The following CACNA2D3 variants were observed in gnomAD, a reference collection of about 807,000 sequenced individuals.
The protein encoded by CACNA2D3 is calcium voltage-gated channel auxiliary subunit alpha2delta 3.
CACNA2D3 carries 60 observed loss-of-function variants against 160.6 expected under a neutral mutation model. The ratio of observed to expected loss-of-function variants is 0.37; its 90% CI spans 0.30 to 0.46. The LOEUF (loss-of-function observed/expected upper bound fraction) is 0.46, where lower values mean the gene tolerates loss of function less well. Among genes scored for constraint, CACNA2D3 ranks in the 20% least tolerant of loss-of-function variants. The pLI is 1.00. For synonymous variants in CACNA2D3, 558 were observed against 492.9 expected, an observed-to-expected ratio of 1.13 and a Z score of -1.75; for missense variants, 1,205 against 1,365.0, an observed-to-expected ratio of 0.88 and a Z score of 1.85.
intron 11 of CACNA2D3, among the ~76,000 whole-genome samples, chr3:54,744,704 A>G (rs747895313): frequency 1.3e-5 from 2 of 152,234 alleles, no homozygotes; most frequent in East Asian, 1.9e-4. Flanking sequence ...GGAAGTATCT[A>G]TGGATGGAAG....
At chr3:54,567,572 G>C (rs936231611) in intron 6 of CACNA2D3, among the ~76,000 whole-genome samples, 1 of 152,150 alleles carries the variant, frequency 6.6e-6, no homozygotes, top group African/African-American at 2.4e-5. Flanking sequence ...GTCTTACTCT[G>C]TCTCCCAGGC....
intron 2 of CACNA2D3, among the ~76,000 whole-genome samples, chr3:54,243,714 G>T (rs1178993274): frequency 6.6e-6 from 1 of 152,116 alleles, no homozygotes; most frequent in Non-Finnish European, 1.5e-5. Context: ...CCAATTATCT[G>T]GCTCCAGGCT....
At chr3:54,165,114 AT>A (rs397961895) in intron 2 of CACNA2D3, among the ~76,000 whole-genome samples, 30 of 117,856 alleles carry the variant, frequency 2.5e-4, no homozygotes, top group East Asian at 5.2e-4. Context: ...TCTGAATCTC[AT>A]TTTTTTTTTT....
intron 9 of CACNA2D3, among the ~76,000 whole-genome samples, chr3:54,599,515 C>T (rs956984155): frequency 2.0e-5 from 3 of 152,122 alleles, no homozygotes; most frequent in African/African-American, 7.2e-5. Context: ...ATTGTGAATT[C>T]CATTAACAGG....
intron 2 of CACNA2D3, among the ~76,000 whole-genome samples, chr3:54,308,734 G>A (rs1466306567): frequency 6.6e-6 from 1 of 152,084 alleles, no homozygotes; most frequent in Non-Finnish European, 1.5e-5. Context: ...ATAAAATGGG[G>A]GAAATAGTAT....
intron 2 of CACNA2D3, among the ~76,000 whole-genome samples, chr3:54,275,237 C>T (rs899743503): frequency 3.3e-5 from 5 of 152,176 alleles, no homozygotes; most frequent in East Asian, 1.9e-4. Flanking sequence ...GCCTCTGCCC[C>T]GGCCCACCTC....
intron 11 of CACNA2D3, among the ~76,000 whole-genome samples, chr3:54,728,963 A>T (rs1405547602): frequency 6.6e-6 from 1 of 152,160 alleles, no homozygotes; most frequent in African/African-American, 2.4e-5. Context: ...GTCATTATCA[A>T]ATACATTAGG....
At chr3:54,157,891 G>A (rs1465476898) in intron 2 of CACNA2D3, among the ~76,000 whole-genome samples, 1 of 151,360 alleles carries the variant, frequency 6.6e-6, no homozygotes. Context: ...AAGATTCTTA[G>A]TGAGCAGCTT....
chr3:54,641,210 C>A (rs1699512091), intron 10 of CACNA2D3, among the ~76,000 whole-genome samples: 1 of 152,200 alleles, frequency 6.6e-6, no homozygotes, highest in Admixed American at 6.6e-5. Context: ...ACTGAAGTTA[C>A]AGGCAAAGAC....
chr3:54,544,043 CCTT>C (rs1234614625), intron 5 of CACNA2D3, among the ~76,000 whole-genome samples: 6 of 152,018 alleles, frequency 3.9e-5, no homozygotes, highest in African/African-American at 1.4e-4. Flanking sequence ...TTTTCTTTGT[CCTT>C]CTTTTCTTTA....
chr3:54,413,331 C>T (rs1699699407), intron 4 of CACNA2D3, among the ~76,000 whole-genome samples: 1 of 149,762 alleles, frequency 6.7e-6, no homozygotes, highest in Admixed American at 6.7e-5. Context: ...CAAGAGTTTT[C>T]TCATTATGTT....
At chr3:54,821,063 A>G (rs186585513) in intron 14 of CACNA2D3, among the ~76,000 whole-genome samples, 3 of 152,086 alleles carry the variant, frequency 2.0e-5, no homozygotes, top group Non-Finnish European at 4.4e-5. Flanking sequence ...ACGTGTCCAG[A>G]CTCTGGTACC....
rs1443134239 is a variant in CACNA2D3, at chr3:54,239,698, ATAT to A, written c.205-80740_205-80738del. 2.1e-4 allele frequency among the ~76,000 whole-genome samples: 32 copies of A among 152,236 alleles called. 1 individual carries two copies. Among genetic ancestry groups the A allele is most frequent in the Admixed American group, 2.1e-3 (32 of 15,288 alleles). On this transcript the variant is annotated intron_variant, in intron 2 of 37. Transcript: ENST00000474759. ...CAGACAATCTGAGTTTGGCTCAAAAATATTATACTAGCATAGGAGATAATAACA... is the reference window on the plus strand; with the variant it reads ...CAGACAATCTGAGTTTGGCTCAAAAATATACTAGCATAGGAGATAATAACA...
intron 4 of CACNA2D3, among the ~76,000 whole-genome samples, chr3:54,493,563 C>A (rs975893624): frequency 1.3e-5 from 2 of 152,168 alleles, no homozygotes; most frequent in African/African-American, 4.8e-5. Context: ...CTATTCCCTT[C>A]CCTAGTTACC....
At chr3:55,028,216 C>G (rs1703607172) in intron 35 of CACNA2D3, among the ~76,000 whole-genome samples, 1 of 152,100 alleles carries the variant, frequency 6.6e-6, no homozygotes, top group Non-Finnish European at 1.5e-5. Context: ...CAAAAGTGGA[C>G]ATTTGTATGT....
At chr3:54,191,845 G>C (rs1700990390) in intron 2 of CACNA2D3, among the ~76,000 whole-genome samples, 1 of 152,180 alleles carries the variant, frequency 6.6e-6, no homozygotes, top group Admixed American at 6.5e-5. Flanking sequence ...CCCAGATCCG[G>C]TAGTCAATGA....
intron 2 of CACNA2D3, among the ~76,000 whole-genome samples, chr3:54,128,975 T>C (rs1398184267): frequency 2.0e-5 from 3 of 152,234 alleles, no homozygotes; most frequent in Non-Finnish European, 4.4e-5. Flanking sequence ...GAAAAGTTCC[T>C]AATGTCAGGC....
At chr3:54,221,701 C>T (rs956912874) in intron 2 of CACNA2D3, among the ~76,000 whole-genome samples, 2 of 152,090 alleles carry the variant, frequency 1.3e-5, no homozygotes, top group Admixed American at 6.5e-5. Context: ...TTGTATATAA[C>T]GTATGTACCT....
chr3:54,249,588 C>CA (rs58638743), intron 2 of CACNA2D3, among the ~76,000 whole-genome samples: 2 of 147,584 alleles, frequency 1.4e-5, no homozygotes, highest in Admixed American at 6.7e-5. Flanking sequence ...CACACACACA[C>CA]CAGGCTACAT....
Sources: allele counts gnomAD v4.1 joint callset (sites outside exome capture counted in the v4.1 genomes callset), GRCh38; gene constraint gnomAD v4.1.1; transcripts MANE v1.5; gene names NCBI Gene and HGNC (gene_info 2026-07-23, HGNC 2026-07-21).